Variants in TECPR1 observed in about 807,000 individuals in gnomAD.
TECPR1 encodes the protein tectonin beta-propeller repeat-containing protein 1.
In TECPR1, 122 loss-of-function variants were observed where a neutral mutation model predicts 162.4. The ratio of observed to expected loss-of-function variants is 0.75; its 90% CI spans 0.65 to 0.87. TECPR1 has a LOEUF of 0.87. Among genes scored for constraint, TECPR1 ranks in the 40% least tolerant of loss-of-function variants. TECPR1 has a pLI of 0.00. For synonymous variants in TECPR1, 642 were observed against 670.6 expected, an observed-to-expected ratio of 0.96 and a Z score of 0.66; for missense variants, 1,432 against 1,618.2, an observed-to-expected ratio of 0.88 and a Z score of 1.97.
intron 10 of TECPR1, among the ~76,000 whole-genome samples, chr7:98,234,267 C>T (rs1443484705): frequency 6.6e-6 from 1 of 152,236 alleles, no homozygotes; most frequent in Admixed American, 6.5e-5. Flanking sequence ...ATTCTCCTGC[C>T]TCAGCCTCCC....
chr7:98,240,844 A>C lies in TECPR1; in HGVS notation c.933+7T>G. 1 of 1,593,210 alleles carries C rather than the reference A, an allele frequency of 6.3e-7. No homozygotes were observed. Among genetic ancestry groups the C allele is most frequent in the Non-Finnish European group, 8.5e-7 (1 of 1,173,306 alleles). On this transcript the variant is annotated splice_region_variant and intron_variant, in intron 8 of 25. Transcript: ENST00000447648. ...CAAGTGATCCCCCAGCCTCATCCCC[A>C]TCTTACCTTCCAGTCCTTGGTGACA...
chr7:98,222,860 C>G, intron 21 of TECPR1, 130 bp downstream of exon 21: 1 of 1,275,972 alleles, frequency 7.8e-7, no homozygotes, highest in African/African-American at 1.5e-5. Context: ...CCCCAGGGCA[C>G]AGGGACCCAC....
intron 20 of TECPR1, among the ~76,000 whole-genome samples, 160 bp from the exon 21 acceptor site, chr7:98,223,330 G>A (rs993640499): frequency 1.1e-5 from 1 of 89,902 alleles, no homozygotes; most frequent in African/African-American, 4.2e-5. Context: ...CCCCATCCAG[G>A]CCCAGCCAGG....
chr7:98,218,143 G>A (rs891737482), intron 23 of TECPR1, 101 bp from the exon 24 acceptor site: 19 of 967,660 alleles, frequency 2.0e-5, no homozygotes, highest in Non-Finnish European at 2.6e-5. Context: ...TAACCACTTC[G>A]GGGTTTGGGA....
chr7:98,222,999 G>C lies in TECPR1; in HGVS notation c.2919C>G (p.Leu973=). ...DVLCRLGVSE[L]NPAGSSWLHV... is the part of the protein sequence containing the mutation. ...TGGCCCCGGCACTCACCGCAGGGTT[G>C]AGCTCCGACACGCCCAGGCGGCACA... Residue 973 remains leucine (L), a synonymous_variant, in exon 21 of 26, where the codon CTC becomes CTG. Coordinates refer to ENST00000447648, the MANE Select transcript of TECPR1 (RefSeq NM_015395.3). The C allele has an allele frequency of 6.2e-7, 1 of 1,611,800 alleles. No individual in the cohort carries two copies. Among genetic ancestry groups the C allele is most frequent in the Non-Finnish European group, 8.5e-7 (1 of 1,179,542 alleles).
rs931653292 is a variant in TECPR1, at chr7:98,216,062, G to C, written c.*1328C>G. On this transcript the variant is annotated 3_prime_UTR_variant, in exon 26 of 26. Coordinates refer to ENST00000447648, the MANE Select transcript of TECPR1 (RefSeq NM_015395.3). ...CGAGCAGAGCCTGGGGTTGGGCTCT[G>C]ATGACCTCCCGGGCAAAGTGTCCAG... 5.9e-5 allele frequency: 9 copies of C among 152,278 alleles called. No individual in the cohort carries two copies. Among genetic ancestry groups the C allele is most frequent in the African/African-American group, 2.2e-4 (9 of 41,468 alleles). The allele number at this position is 152,278 out of a possible 1,614,324, so 9.4% of individuals were successfully genotyped here. A position where few individuals can be genotyped will look rare whatever the true frequency, so the allele number is the denominator to read the frequency against.
chr7:98,238,212 T>C (rs1372664361), intron 9 of TECPR1, among the ~76,000 whole-genome samples: 1 of 152,218 alleles, frequency 6.6e-6, no homozygotes, highest in Non-Finnish European at 1.5e-5. Context: ...GTGGCCTGGC[T>C]AGGTAGGCTG....
chr7:98,238,721 C>A, intron 8 of TECPR1, 111 bp from the exon 9 acceptor site: 1 of 882,050 alleles, frequency 1.1e-6, no homozygotes, highest in South Asian at 1.4e-5. Context: ...TGGTTCACGT[C>A]GCAAATGAGC....
intron 23 of TECPR1, among the ~76,000 whole-genome samples, chr7:98,218,308 G>C (rs532932511): frequency 2.0e-5 from 3 of 152,200 alleles, no homozygotes. Flanking sequence ...TGCTGGGCAC[G>C]GCCGGCCTCC....
Position 98,233,735 on chromosome 7 carries a change from G to A in TECPR1, c.1358C>T (p.Thr453Ile), listed in dbSNP as rs1240713680. ...NSASGLGAGR[T>I]AEDTVEDACP... ...GGCATCTTCCACGGTATCTTCTGCG[G>A]TCCTGCCAGCCCCCAGGCCTGAGGC... is the stretch of plus-strand genomic sequence containing the variant. The change falls in exon 11 of 26, where the codon ACC becomes ATC. Residue 453 changes from threonine (T) to isoleucine (I), a missense_variant. Thr to Ile is a moderately conservative substitution (Grantham distance 89, BLOSUM62 -1). Coordinates refer to ENST00000447648, the MANE Select transcript of TECPR1 (RefSeq NM_015395.3). 2 of 1,612,570 alleles carry A rather than the reference G, an allele frequency of 1.2e-6. No individual in the cohort carries two copies. Among genetic ancestry groups the A allele is most frequent in the Admixed American group, 1.7e-5 (1 of 59,982 alleles).
At chr7:98,249,419 C>G (rs1799005346) in intron 2 of TECPR1, among the ~76,000 whole-genome samples, 1 of 152,138 alleles carries the variant, frequency 6.6e-6, no homozygotes, top group Non-Finnish European at 1.5e-5. Flanking sequence ...CAAGGCCCGT[C>G]AAACATATGA....
chr7:98,221,898 C>T (rs796196147), intron 22 of TECPR1, 145 bp from the exon 23 acceptor site: 25 of 653,142 alleles, frequency 3.8e-5, no homozygotes, highest in South Asian at 3.1e-4. Flanking sequence ...CGTGCCCTGC[C>T]GTCCACCCAG....
chr7:98,249,157 A>AGGAGC (rs1164523195), intron 2 of TECPR1, among the ~76,000 whole-genome samples: 1 of 152,150 alleles, frequency 6.6e-6, no homozygotes, highest in African/African-American at 2.4e-5. Context: ...GATTACAGGC[A>AGGAGC]GGAGCCCCTG....
At chr7:98,248,083 G>A (rs960246138) in intron 2 of TECPR1, among the ~76,000 whole-genome samples, 1 of 152,174 alleles carries the variant, frequency 6.6e-6, no homozygotes, top group Non-Finnish European at 1.5e-5. Context: ...GCTAAGCTCT[G>A]CCACTGACCA....
At position 98,229,105 on chromosome 7, in the gene TECPR1, A is replaced by T; in HGVS notation, c.2344T>A (p.Trp782Arg). ...MVEANSRGVV[W>R]GIGYDHTAWV... ...GCCGTGTGGTCATAGCCGATGCCCCACACCACGCCCCGGCTGTTGGCCTCC... is the reference window on the plus strand; with the variant it reads ...GCCGTGTGGTCATAGCCGATGCCCCTCACCACGCCCCGGCTGTTGGCCTCC... The change falls in exon 16 of 26, where the codon TGG becomes AGG. Residue 782 changes from tryptophan to arginine, a missense_variant. Coordinates refer to ENST00000447648, the MANE Select transcript of TECPR1 (RefSeq NM_015395.3). 1 of 1,577,094 alleles carries T rather than the reference A, an allele frequency of 6.3e-7. No individual in the cohort carries two copies.
chr7:98,240,941 C>T lies in TECPR1; in HGVS notation c.843G>A (p.Trp281Ter), dbSNP rs1798729482. ...INRSNPKGSS[W>*]SIVEPPGSEN... ...CAGATCCAGGAGGCTCCACGATGGA[C>T]CAGGAACTTCCTACCGGGCCCCCAA... is the stretch of plus-strand genomic sequence containing the variant. Residue 281 changes from tryptophan to a stop codon, truncating the protein, a stop_gained, in exon 8 of 26, where the codon TGG (tryptophan) becomes TGA (stop). Transcript: ENST00000447648. LOFTEE classifies it high-confidence loss of function. The T allele has an allele frequency of 6.2e-7, 1 of 1,606,738 alleles. No individual in the cohort carries two copies. Among genetic ancestry groups the T allele is most frequent in the Non-Finnish European group, 8.5e-7 (1 of 1,177,764 alleles).
chr7:98,249,562 C>A (rs1244129470), intron 2 of TECPR1, among the ~76,000 whole-genome samples: 1 of 152,158 alleles, frequency 6.6e-6, no homozygotes, highest in Non-Finnish European at 1.5e-5. Flanking sequence ...TCCAGAGCTG[C>A]CTGGATCTCA....
chr7:98,235,827 C>CA (rs765569294), intron 10 of TECPR1, among the ~76,000 whole-genome samples: 24 of 36,692 alleles, frequency 6.5e-4, no homozygotes, highest in African/African-American at 1.5e-3. Context: ...GAGACTGTCT[C>CA]AAAAAAAAAA....
intron 16 of TECPR1, chr7:98,228,748 G>A: frequency 3.0e-6 from 1 of 338,218 alleles, no homozygotes; most frequent in Non-Finnish European, 5.5e-6. Flanking sequence ...AGTTCAGCGA[G>A]TGCCTACCCT....
Sources: allele counts gnomAD v4.1 joint callset (sites outside exome capture counted in the v4.1 genomes callset), GRCh38; gene constraint gnomAD v4.1.1; transcripts MANE v1.5; gene names NCBI Gene and HGNC (gene_info 2026-07-23, HGNC 2026-07-21).